KDM4C: variants seen among roughly 807,000 people sequenced by gnomAD.
KDM4C encodes lysine-specific demethylase 4C.
A neutral mutation model predicts 129.3 loss-of-function variants in KDM4C; 81 were observed. That is an observed-to-expected ratio of 0.63 (90% confidence interval 0.52 to 0.75). KDM4C has a LOEUF of 0.75. Ranked by LOEUF, KDM4C falls within the 30% of genes least tolerant of loss-of-function variation. The pLI is 0.00. For missense variants in KDM4C, 1,457 were observed against 1,304.0 expected (o/e 1.12, Z -1.81); for synonymous variants, 573 against 456.1 (o/e 1.26, Z -3.26).
chr9:6,789,004 A>C (rs1825998827), intron 1 of KDM4C, among the ~76,000 whole-genome samples: 1 of 151,786 alleles, frequency 6.6e-6, no homozygotes, highest in African/African-American at 2.4e-5. Context: ...GTGATGATGG[A>C]CGAGGCCATA....
intron 5 of KDM4C, among the ~76,000 whole-genome samples, chr9:6,871,166 T>C (rs1196598368): frequency 6.6e-6 from 1 of 152,340 alleles, no homozygotes; most frequent in South Asian, 2.1e-4. Flanking sequence ...AACAAGTAAG[T>C]GGACTGAGCA....
rs377187050 is a variant in KDM4C, at chr9:6,958,687, A to ATTTTTTTTT, written c.922-22231_922-22223dup. The stretch of plus-strand genomic sequence containing the variant: ...AATACATTATGCCTTTCTTTATATG[A>ATTTTTTTTT]TTTTTTTTTTTTTTTGGGACAGGGT... On this transcript the variant is annotated intron_variant, in intron 8 of 21. Transcript: ENST00000381309. Among the ~76,000 whole-genome samples, 586 of 136,282 alleles carry ATTTTTTTTT rather than the reference A, an allele frequency of 4.3e-3. 9 individuals carry two copies. Among genetic ancestry groups the ATTTTTTTTT allele is most frequent in the African/African-American group, 0.016 (550 of 34,584 alleles). 89.4% of individuals were successfully genotyped at this position (136,282 alleles called of 152,430 possible).
At chr9:6,948,960 C>A in intron 8 of KDM4C, among the ~76,000 whole-genome samples, 1 of 150,706 alleles carries the variant, frequency 6.6e-6, no homozygotes, top group Admixed American at 6.6e-5. Context: ...GACGAAACCG[C>A]CATCGTCATC....
intron 4 of KDM4C, among the ~76,000 whole-genome samples, chr9:6,832,497 C>G (rs1434281654): frequency 7.2e-6 from 1 of 139,796 alleles, no homozygotes; most frequent in East Asian, 2.1e-4. Context: ...GCAATCTCAG[C>G]TCACTGCAAG....
intron 1 of KDM4C, among the ~76,000 whole-genome samples, chr9:6,771,775 A>AG (rs1210340672): frequency 1.3e-5 from 2 of 152,200 alleles, no homozygotes; most frequent in African/African-American, 4.8e-5. Flanking sequence ...AGCTGGGTGC[A>AG]GGGGCAGTAC....
chr9:7,021,133 T>A (rs1824758580), intron 15 of KDM4C, among the ~76,000 whole-genome samples: 1 of 112,418 alleles, frequency 8.9e-6, no homozygotes, highest in Non-Finnish European at 1.9e-5. Flanking sequence ...TGTGTGTGTG[T>A]GTGTGTGTAT....
At chr9:6,911,289 A>G (rs557911001) in intron 8 of KDM4C, among the ~76,000 whole-genome samples, 1 of 152,226 alleles carries the variant, frequency 6.6e-6, no homozygotes. Context: ...ATGATCAGCG[A>G]TGAGGAATCT....
At chr9:6,912,137 T>G (rs1013061281) in intron 8 of KDM4C, among the ~76,000 whole-genome samples, 5 of 152,196 alleles carry the variant, frequency 3.3e-5, no homozygotes, top group African/African-American at 4.8e-5. Flanking sequence ...GGGGCCTTCA[T>G]GGTGCCTTGC....
chr9:7,159,740 T>G (rs546738942), intron 19 of KDM4C, among the ~76,000 whole-genome samples: 1 of 152,108 alleles, frequency 6.6e-6, no homozygotes, highest in Non-Finnish European at 1.5e-5. Flanking sequence ...GGTAACCCTA[T>G]CTTTCTCTTG....
intron 15 of KDM4C, among the ~76,000 whole-genome samples, chr9:7,043,880 T>C (rs1047532567): frequency 6.6e-6 from 1 of 151,998 alleles, no homozygotes; most frequent in Non-Finnish European, 1.5e-5. Context: ...TATGTGAAAA[T>C]GGTCTTTGCA....
chr9:7,162,474 C>A (rs914963522), intron 19 of KDM4C, among the ~76,000 whole-genome samples: 2 of 152,170 alleles, frequency 1.3e-5, no homozygotes, highest in East Asian at 3.8e-4. Flanking sequence ...ATCTAACTAT[C>A]TCAGGCATTG....
intron 17 of KDM4C, among the ~76,000 whole-genome samples, chr9:7,062,254 C>A (rs967215645): frequency 2.0e-4 from 31 of 152,282 alleles, no homozygotes; most frequent in African/African-American, 7.2e-4. Flanking sequence ...AGGTGTGAAC[C>A]ACTGTGCCCG....
At chr9:6,963,081 G>A (rs925918953) in intron 8 of KDM4C, among the ~76,000 whole-genome samples, 4 of 152,140 alleles carry the variant, frequency 2.6e-5, no homozygotes, top group African/African-American at 7.2e-5. Flanking sequence ...TAATCTTTCT[G>A]TGCATTGGTT....
chr9:7,041,360 T>C (rs1350252898), intron 15 of KDM4C, among the ~76,000 whole-genome samples: 1 of 152,054 alleles, frequency 6.6e-6, no homozygotes, highest in Non-Finnish European at 1.5e-5. Context: ...GACTTCAGCA[T>C]CTCTGGATTT....
chr9:6,965,342 A>C (rs959936802), intron 8 of KDM4C, among the ~76,000 whole-genome samples: 1 of 151,696 alleles, frequency 6.6e-6, no homozygotes, highest in African/African-American at 2.4e-5. Flanking sequence ...CTAAATTATA[A>C]ATTTATATAT....
Position 7,174,897 on chromosome 9 carries a change from C to A in KDM4C, c.*168C>A, listed in dbSNP as rs1588000190. 4 of 566,322 alleles carry A rather than the reference C, an allele frequency of 7.1e-6. No individual in the cohort carries two copies. Among genetic ancestry groups the A allele is most frequent in the African/African-American group, 3.7e-5 (2 of 54,154 alleles). 35.1% of individuals were successfully genotyped at this position (566,322 alleles called of 1,614,324 possible). On this transcript the variant is annotated 3_prime_UTR_variant, in exon 22 of 22. Coordinates refer to ENST00000381309, the MANE Select transcript of KDM4C (RefSeq NM_015061.6). ...TTGGTCACCAAAAATACAAAATACA[C>A]CCAATGAATTGGACGCAGCAATCTG...
intron 21 of KDM4C, 37 bp from the exon 22 acceptor site, chr9:7,174,516 C>T (rs1166209723): frequency 1.3e-6 from 2 of 1,598,692 alleles, no homozygotes; most frequent in South Asian, 1.1e-5. Flanking sequence ...AGATCAAATG[C>T]CGTGCCCTTT....
At chr9:6,958,191 A>C (rs570704123) in intron 8 of KDM4C, among the ~76,000 whole-genome samples, 7 of 151,492 alleles carry the variant, frequency 4.6e-5, no homozygotes, top group African/African-American at 1.7e-4. Flanking sequence ...GCCGTCTTTC[A>C]CCTGTTAACT....
chr9:7,042,938 C>G (rs62534435), intron 15 of KDM4C, among the ~76,000 whole-genome samples: 25,924 of 151,950 alleles, frequency 0.17, 2,835 homozygotes, highest in South Asian at 0.4. Flanking sequence ...CAACCAGTAG[C>G]TTAAATATTT....
Sources: allele counts gnomAD v4.1 joint callset (sites outside exome capture counted in the v4.1 genomes callset), GRCh38; gene constraint gnomAD v4.1.1; transcripts MANE v1.5; gene names NCBI Gene and HGNC (gene_info 2026-07-23, HGNC 2026-07-21).